TUBB8B: variants seen among roughly 807,000 people sequenced by gnomAD.
TUBB8B encodes the protein tubulin beta 8B, also known as HSA18p11 beta-tubulin 4Q pseudogene.
TUBB8B carries 26 observed loss-of-function variants against 31.9 expected under a neutral mutation model. The observed-to-expected ratio is 0.81, with a 90% CI of 0.60 to 1.13. TUBB8B has a LOEUF of 1.13. TUBB8B is among the 50% of genes most tolerant of loss of function. TUBB8B has a pLI of 0.00. For missense variants in TUBB8B, 467 were observed against 586.7 expected (o/e 0.80, Z 2.11); for synonymous variants, 173 against 231.0 (o/e 0.75, Z 2.28).
At chr18:56,214 G>A in the TUBB8B span, among the ~76,000 whole-genome samples, 1 of 151,738 alleles carries the variant, frequency 6.6e-6, no homozygotes, top group African/African-American at 2.4e-5. Context: ...GTGTCATGCT[G>A]TTTTAATTAC....
the TUBB8B span, among the ~76,000 whole-genome samples, chr18:57,106 C>A: frequency 2.0e-4 from 30 of 151,768 alleles, no homozygotes; most frequent in African/African-American, 7.3e-4. Flanking sequence ...TTGGTGGGAA[C>A]ACACACCTAA....
the TUBB8B span, among the ~76,000 whole-genome samples, chr18:66,032 C>T: frequency 6.6e-6 from 1 of 152,162 alleles, no homozygotes; most frequent in Non-Finnish European, 1.5e-5. Context: ...AGTTTCAGGC[C>T]AGTCCGGCCA....
chr18:48,084 G>A lies in TUBB8B; in HGVS notation c.641C>T (p.Thr214Ile), dbSNP rs556017101. ...NEALYDICSR[T>I]LKLPTPTYGD... is the part of the protein sequence containing the mutation. The stretch of plus-strand genomic sequence containing the variant: ...ATAGGTGGGTGTGGGCAGTTTTAGG[G>A]TCCTGGAACATATGTCATATAGCGC... The change falls in exon 4 of 4, where the codon ACC becomes ATC. Residue 214 changes from threonine to isoleucine, a missense_variant. Physicochemically the swap from Thr to Ile is moderately conservative, Grantham distance 89. Transcript: ENST00000308911. 3.7e-5 allele frequency: 59 copies of A among 1,613,938 alleles called. No homozygotes were observed. The South Asian group carries it at 4.2e-4, about 11-fold the overall frequency.
chr18:65,053 C>T, the TUBB8B span, among the ~76,000 whole-genome samples: 1 of 152,088 alleles, frequency 6.6e-6, no homozygotes, highest in Non-Finnish European at 1.5e-5. Context: ...GAAATCCCAG[C>T]ACTTTGGGAG....
At chr18:52,519 A>G (rs1476451767), upstream of TUBB8B, among the ~76,000 whole-genome samples, 2 of 151,598 alleles carry the variant, frequency 1.3e-5, no homozygotes, top group Admixed American at 6.6e-5. Flanking sequence ...ATTATACCCT[A>G]GGGCCTCTCA....
At chr18:49,636 A>T, upstream of TUBB8B, 1 of 738,654 alleles carries the variant, frequency 1.4e-6, no homozygotes, top group South Asian at 1.5e-5. Context: ...GCCCTCCGCT[A>T]ACGCTTAAAT....
the TUBB8B span, among the ~76,000 whole-genome samples, chr18:57,089 T>C: frequency 6.6e-6 from 1 of 151,948 alleles, no homozygotes; most frequent in South Asian, 2.1e-4. Context: ...CATTTTAATA[T>C]AAGATTTTGG....
At chr18:49,446 C>CT in intron 1 of TUBB8B, 55 bp downstream of exon 1, 1 of 937,814 alleles carries the variant, frequency 1.1e-6, no homozygotes, top group Non-Finnish European at 1.7e-6. Context: ...CTGCCAACAT[C>CT]TTCCCCAGCC....
chr18:70,144 A>G, the TUBB8B span, among the ~76,000 whole-genome samples: 3 of 152,254 alleles, frequency 2.0e-5, no homozygotes, highest in Non-Finnish European at 4.4e-5. Context: ...TGGGAGACAG[A>G]GCAAAACCCT....
chr18:56,685 T>C, the TUBB8B span, among the ~76,000 whole-genome samples: 2 of 151,956 alleles, frequency 1.3e-5, no homozygotes, highest in Non-Finnish European at 2.9e-5. Flanking sequence ...GCAAATTTAC[T>C]CAAGTTATTA....
the TUBB8B span, among the ~76,000 whole-genome samples, chr18:58,462 G>C: frequency 6.6e-6 from 1 of 151,402 alleles, no homozygotes; most frequent in Non-Finnish European, 1.5e-5. Context: ...ATAACCCTAG[G>C]GCATAACAGA....
At chr18:65,470 G>A in the TUBB8B span, among the ~76,000 whole-genome samples, 2 of 151,954 alleles carry the variant, frequency 1.3e-5, no homozygotes, top group African/African-American at 4.8e-5. Flanking sequence ...GAATAAAGAA[G>A]GAACCCACAT....
rs1263622978 is a variant in TUBB8B, at chr18:47,363, C to A, written c.*27G>T. The A allele has an allele frequency of 1.6e-5, 11 of 707,936 alleles. No individual in the cohort carries two copies. The South Asian group carries it at 1.6e-4, about 10-fold the overall frequency. 43.9% of individuals were successfully genotyped at this position (707,936 alleles called of 1,614,324 possible). The stretch of plus-strand genomic sequence containing the variant: ...ACACAGTAAAGAATCCACACTGCTT[C>A]CCCCCTTTACCTAGAAAAGGAGAGT... On this transcript the variant is annotated 3_prime_UTR_variant, in exon 4 of 4. Transcript: ENST00000308911.
rs1905841870 is a variant in TUBB8B at position 48,451 on chromosome 18, T to TA, written c.278-5dup. ...TTGTTTCCGGCCCCACACTGACCTG[T>TA]AAGACAGCACAGCCGGTCACTCGAC... On this transcript the variant is annotated splice_region_variant and splice_polypyrimidine_tract_variant and intron_variant, in intron 3 of 3. Coordinates refer to ENST00000308911, the MANE Select transcript of TUBB8B (RefSeq NM_001358689.2). 6.4e-7 allele frequency: 1 copy of TA among 1,555,722 alleles called. No individual in the cohort carries two copies. The highest frequency in any genetic ancestry group is 8.9e-7 in the Non-Finnish European group (1 of 1,129,526).
rs771095974 is a variant in TUBB8B, at chr18:47,479, T to C, written c.1246A>G (p.Asn416Asp). 6.6e-6 allele frequency: 10 copies of C among 1,522,066 alleles called. No homozygotes were observed. The highest frequency in any genetic ancestry group is 7.3e-6 in the Non-Finnish European group (8 of 1,099,686). 94.3% of individuals were successfully genotyped at this position (1,522,066 alleles called of 1,614,324 possible). Residue 416 changes from asparagine to aspartate, a missense_variant, in exon 4 of 4, where the codon AAC becomes GAC. This residue lies in a region of TUBB8B where 208 missense variants were observed against 206.7 expected (regional missense o/e 1.01). Transcript: ENST00000308911. ...MEFTEAESNM[N>D]DLVSEYQQYQ... ...TGCTGATATTCAGACACCAGGTCGTTCATGTTGCTCTCGGCCTCGGTGAAT... is the reference window on the plus strand; with the variant it reads ...TGCTGATATTCAGACACCAGGTCGTCCATGTTGCTCTCGGCCTCGGTGAAT...
At chr18:73,004 G>A in the TUBB8B span, among the ~76,000 whole-genome samples, 1 of 152,044 alleles carries the variant, frequency 6.6e-6, no homozygotes, top group South Asian at 2.1e-4. Flanking sequence ...GCACTGATCC[G>A]GGGGTGCCTG....
chr18:55,718 C>T, the TUBB8B span, among the ~76,000 whole-genome samples: 1 of 151,792 alleles, frequency 6.6e-6, no homozygotes, highest in Admixed American at 6.6e-5. Flanking sequence ...AAAGCCTAAC[C>T]ATATCATGTA....
the TUBB8B span, among the ~76,000 whole-genome samples, chr18:56,281 A>T: frequency 1.3e-5 from 2 of 151,778 alleles, no homozygotes; most frequent in African/African-American, 2.4e-5. Context: ...GTTTTGGTTT[A>T]TATACTCAGA....
chr18:53,305 A>G (rs1489537500), upstream of TUBB8B, among the ~76,000 whole-genome samples: 1 of 151,898 alleles, frequency 6.6e-6, no homozygotes, highest in Non-Finnish European at 1.5e-5. Context: ...ATTTGATGGC[A>G]TTTGGTATGT....
Sources: allele counts gnomAD v4.1 joint callset (sites outside exome capture counted in the v4.1 genomes callset), GRCh38; gene constraint gnomAD v4.1.1; regional missense constraint gnomAD v4.1.1; transcripts MANE v1.5; gene names NCBI Gene and HGNC (gene_info 2026-07-23, HGNC 2026-07-21).